ZNF793: variants seen among roughly 807,000 people sequenced by gnomAD.
ZNF793 encodes the protein zinc finger protein 793.
A neutral mutation model predicts 12.4 loss-of-function variants in ZNF793; 5 were observed. The observed-to-expected ratio is 0.40, with a 90% CI of 0.21 to 0.84. ZNF793 has a LOEUF of 0.84. Ranked by LOEUF, ZNF793 falls within the 40% of genes least tolerant of loss-of-function variation. The probability of loss-of-function intolerance (pLI) is 0.35; values close to 1 mark genes in which losing one functional copy is unlikely to be tolerated. For missense variants in ZNF793, 456 were observed against 495.0 expected (o/e 0.92, Z 0.75); for synonymous variants, 162 against 172.4 (o/e 0.94, Z 0.47).
intron 2 of ZNF793, among the ~76,000 whole-genome samples, chr19:37,516,237 C>T (rs1036000582): frequency 2.0e-5 from 3 of 152,144 alleles, no homozygotes; most frequent in Admixed American, 6.5e-5. Context: ...TGGGTTCAGG[C>T]GATTCTTCTG....
At chr19:37,506,884 G>A (rs747188176), upstream of ZNF793, 1 of 152,264 alleles carries the variant, frequency 6.6e-6, no homozygotes, top group East Asian at 1.9e-4. Flanking sequence ...TCACTGGAAG[G>A]TTGCCGGGTG....
At position 37,537,713 on chromosome 19, in the gene ZNF793, C is replaced by T. The variant is rs769110234; in HGVS notation, c.1055C>T (p.Ser352Leu). Residue 352 changes from serine (S) to leucine (L), a missense_variant, in exon 8 of 8, where the codon TCA becomes TTA. Ser to Leu is a moderately radical substitution (Grantham distance 145). Transcript: ENST00000627814. The stretch of plus-strand genomic sequence containing the variant: ...TGTGGAAAATCCTTCAGCCAGAAGT[C>T]ATGCCTCAATAAACATTGGAGAACT... Reference protein sequence around the residue: ...RECGKSFSQKSCLNKHWRTHT... With the variant: ...RECGKSFSQKLCLNKHWRTHT... 3 of 1,613,706 alleles carry T rather than the reference C, an allele frequency of 1.9e-6. No individual in the cohort carries two copies. Among genetic ancestry groups the T allele is most frequent in the Non-Finnish European group, 2.5e-6 (3 of 1,179,732 alleles).
At chr19:37,518,549 T>G (rs956048096) in intron 2 of ZNF793, among the ~76,000 whole-genome samples, 3 of 151,298 alleles carry the variant, frequency 2.0e-5, no homozygotes, top group Non-Finnish European at 4.4e-5. Context: ...ATCCCAGCAC[T>G]TTGGGAGGCC....
chr19:37,530,762 C>T lies in ZNF793; in HGVS notation c.16-1594C>T. On this transcript the variant is annotated intron_variant, in intron 5 of 7. Coordinates refer to ENST00000627814, the MANE Select transcript of ZNF793 (RefSeq NM_001013659.3). ...CAGTAACAATCTGATCTCTCTTTTC[C>T]CCACAATTTATATTAAATTACATTA... 1.3e-5 allele frequency among the ~76,000 whole-genome samples: 2 copies of T among 152,030 alleles called. 1 individual carries two copies.
At chr19:37,518,630 CAAAA>C (rs61641247) in intron 2 of ZNF793, among the ~76,000 whole-genome samples, 70 of 84,438 alleles carry the variant, frequency 8.3e-4, no homozygotes, top group Admixed American at 1.4e-3. Context: ...CCTGTCTCTA[CAAAA>C]AAAAAAAAAA....
chr19:37,537,276 A>G lies in ZNF793; in HGVS notation c.618A>G (p.Lys206=), dbSNP rs1555711211. The change falls in exon 8 of 8, where the codon AAA becomes AAG. Residue 206 remains lysine (K), a synonymous_variant. Transcript: ENST00000627814. ...AFTQNPALMY[K]PAVSDSLLYK... ...CCCAGAACCCGGCACTTATGTATAA[A>G]CCAGCAGTAAGTGATTCTCTCTTGT... The G allele has an allele frequency of 6.2e-7, 1 of 1,613,858 alleles. No homozygotes were observed. Among genetic ancestry groups the G allele is most frequent in the South Asian group, 1.1e-5 (1 of 91,070 alleles).
intron 7 of ZNF793, 109 bp downstream of exon 7, chr19:37,533,512 C>G: frequency 1.1e-6 from 1 of 896,380 alleles, no homozygotes; most frequent in Non-Finnish European, 1.8e-6. Flanking sequence ...AGAGCTTCAG[C>G]CACGTTAATG....
At chr19:37,523,958 T>C (rs2147083031) in intron 5 of ZNF793, among the ~76,000 whole-genome samples, 1 of 152,076 alleles carries the variant, frequency 6.6e-6, no homozygotes, top group East Asian at 1.9e-4. Context: ...GAGACCAGCC[T>C]GGCCAACATG....
chr19:37,521,215 C>G (rs2042372765), intron 3 of ZNF793, among the ~76,000 whole-genome samples: 1 of 152,070 alleles, frequency 6.6e-6, no homozygotes, highest in Non-Finnish European at 1.5e-5. Flanking sequence ...TCTCAATCTC[C>G]TGACCTTGTG....
chr19:37,537,338 A>T lies in ZNF793; in HGVS notation c.680A>T (p.His227Leu). Residue 227 changes from histidine (H) to leucine (L), a missense_variant, in exon 8 of 8, where the codon CAC (histidine) becomes CTC (leucine). His to Leu is a moderately conservative substitution (Grantham distance 99). Transcript: ENST00000627814. ...AGGGTTCCACCTACAGAAAAACCCC[A>T]CGTCTGTAGTGAGTGTGGGAAAGCC... ...RKRVPPTEKP[H>L]VCSECGKAFC... is the part of the protein sequence containing the mutation. 2 of 1,613,468 alleles carry T rather than the reference A, an allele frequency of 1.2e-6. No homozygotes were observed. The highest frequency in any genetic ancestry group is 1.7e-6 in the Non-Finnish European group (2 of 1,179,670).
intron 2 of ZNF793, among the ~76,000 whole-genome samples, chr19:37,513,130 A>G (rs1257910509): frequency 6.6e-6 from 1 of 152,130 alleles, no homozygotes; most frequent in African/African-American, 2.4e-5. Context: ...ATTAATGGTG[A>G]TGTTAGCTTT....
At chr19:37,506,441 C>T (rs1446778635), upstream of ZNF793, 1 of 152,350 alleles carries the variant, frequency 6.6e-6, no homozygotes, top group African/African-American at 2.4e-5. Context: ...CTGTCTCTGT[C>T]TCCCTAAGAG....
intron 5 of ZNF793, among the ~76,000 whole-genome samples, chr19:37,524,736 C>T (rs565991667): frequency 3.0e-4 from 45 of 152,282 alleles, no homozygotes; most frequent in African/African-American, 6.7e-4. Flanking sequence ...AAATATGGAA[C>T]GGCAGGCTCC....
At chr19:37,527,416 A>C (rs1051995994) in intron 5 of ZNF793, among the ~76,000 whole-genome samples, 3 of 152,202 alleles carry the variant, frequency 2.0e-5, no homozygotes, top group African/African-American at 7.2e-5. Context: ...TTCTTCTTAA[A>C]TAAAATAGGC....
intron 2 of ZNF793, among the ~76,000 whole-genome samples, chr19:37,519,081 G>T (rs565720566): frequency 1.3e-5 from 2 of 151,794 alleles, no homozygotes; most frequent in South Asian, 4.2e-4. Context: ...CCTGGCTAAC[G>T]CGGTGAAACC....
intron 3 of ZNF793, among the ~76,000 whole-genome samples, chr19:37,520,886 T>A (rs966541171): frequency 1.3e-5 from 2 of 152,150 alleles, no homozygotes; most frequent in African/African-American, 4.8e-5. Flanking sequence ...GTATATAATT[T>A]TGTTTTGTTT....
chr19:37,536,236 A>G, intron 7 of ZNF793: 2 of 389,936 alleles, frequency 5.1e-6, no homozygotes, highest in East Asian at 3.6e-5. Context: ...CTAGCCCAAC[A>G]TGATATTCCC....
At position 37,540,891 on chromosome 19, in the gene ZNF793, A is replaced by G. The variant is rs528570363; in HGVS notation, c.*3012A>G. ...ATGATTTTTTGACAATCATTGAAAA[A>G]AATATATGAAAAAAATCATACCATG... is the stretch of plus-strand genomic sequence containing the variant. On this transcript the variant is annotated 3_prime_UTR_variant, in exon 8 of 8. Coordinates refer to ENST00000627814, the MANE Select transcript of ZNF793 (RefSeq NM_001013659.3). 5.9e-5 allele frequency: 9 copies of G among 152,184 alleles called. No individual in the cohort carries two copies. Among genetic ancestry groups the G allele is most frequent in the African/African-American group, 1.9e-4 (8 of 41,542 alleles). 9.4% of individuals were successfully genotyped at this position (152,184 alleles called of 1,614,324 possible).
intron 7 of ZNF793, chr19:37,534,944 A>G (rs1446376281): frequency 6.6e-6 from 1 of 152,274 alleles, no homozygotes; most frequent in Non-Finnish European, 1.5e-5. Flanking sequence ...TTGGCTTCCC[A>G]AAGTGCTGGA....
Sources: gnomAD v4.1 joint callset for allele counts (sites outside exome capture counted in the v4.1 genomes callset) on GRCh38, gnomAD v4.1.1 for gene constraint, MANE v1.5 for transcripts, NCBI Gene and HGNC (gene_info 2026-07-23, HGNC 2026-07-21) for gene names.